DOCK7: variants seen among roughly 807,000 people sequenced by gnomAD.
DOCK7 encodes dedicator of cytokinesis 7, also known as dedicator of cytokinesis protein 7.
In DOCK7, 138 loss-of-function variants were observed where a neutral mutation model predicts 271.0. That is an observed-to-expected ratio of 0.51 (90% confidence interval 0.44 to 0.59). DOCK7 has a LOEUF of 0.59. Among genes scored for constraint, DOCK7 ranks in the 20% least tolerant of loss-of-function variants. The pLI, the probability that DOCK7 is intolerant of heterozygous loss-of-function variation, is 0.00. For synonymous variants in DOCK7, 823 were observed against 876.1 expected (o/e 0.94, Z 1.07); for missense variants, 2,066 against 2,592.4 (o/e 0.80, Z 4.41).
intron 1 of DOCK7, among the ~76,000 whole-genome samples, chr1:62,675,232 T>C (rs562204909): frequency 2.0e-5 from 3 of 151,820 alleles, no homozygotes; most frequent in East Asian, 1.9e-4. Flanking sequence ...CTGGGCAACA[T>C]AGAGTCTGTC....
chr1:62,525,257 C>A (rs1327104990), intron 31 of DOCK7, among the ~76,000 whole-genome samples: 1 of 151,860 alleles, frequency 6.6e-6, no homozygotes, highest in Non-Finnish European at 1.5e-5. Context: ...GATCTGCCCA[C>A]CTTGGCCTCC....
intron 42 of DOCK7, chr1:62,488,444 AT>A (rs2149284845): frequency 6.4e-6 from 1 of 156,088 alleles, no homozygotes; most frequent in South Asian, 1.9e-4. Flanking sequence ...ACAAAATAAT[AT>A]TTTTGTATTA....
intron 48 of DOCK7, among the ~76,000 whole-genome samples, chr1:62,473,528 T>C (rs1008699224): frequency 2.0e-5 from 3 of 151,936 alleles, no homozygotes; most frequent in African/African-American, 7.3e-5. Flanking sequence ...TATTAAAGAG[T>C]AGTAAATTCT....
intron 49 of DOCK7, among the ~76,000 whole-genome samples, chr1:62,457,140 G>A (rs993782740): frequency 1.3e-5 from 2 of 152,252 alleles, no homozygotes; most frequent in Non-Finnish European, 2.9e-5. Flanking sequence ...CTAGGATTTC[G>A]TTGTAGAAAA....
chr1:62,475,872 G>C lies in DOCK7; in HGVS notation c.5796C>G (p.Phe1932Leu). 2 of 1,614,004 alleles carry C rather than the reference G, an allele frequency of 1.2e-6. No homozygotes were observed. The highest frequency in any genetic ancestry group is 1.7e-6 in the Non-Finnish European group (2 of 1,179,932). ...ATCGACGAAGATTGTAATTTTTGTC[G>C]AAATAGGTGATTCTGTCCTTCATCT... ...TYEMKDRITYFDKNYNLRRFM... is the reference protein window; with the variant it reads ...TYEMKDRITYLDKNYNLRRFM... The change falls in exon 46 of 50, where the codon TTC becomes TTG. Residue 1932 changes from phenylalanine to leucine, a missense_variant. Physicochemically the swap from Phe to Leu is conservative, Grantham distance 22 (BLOSUM62 0). Coordinates refer to ENST00000635253, the MANE Select transcript of DOCK7 (RefSeq NM_001367561.1).
chr1:62,476,334 G>C (rs369431302), intron 44 of DOCK7, 178 bp from the exon 45 acceptor site: 45 of 507,794 alleles, frequency 8.9e-5, no homozygotes, highest in East Asian at 8.4e-4. Context: ...AATTAGCATG[G>C]TCTCGGTCCA....
intron 14 of DOCK7, among the ~76,000 whole-genome samples, chr1:62,588,327 C>T (rs567154787): frequency 1.6e-4 from 25 of 152,328 alleles, no homozygotes; most frequent in African/African-American, 5.5e-4. Flanking sequence ...AATGCCTATA[C>T]ACAGACCACT....
In DOCK7 at chr1:62,455,267, T is replaced by C. The variant is rs1206048167; in HGVS notation, c.*147A>G. 8.4e-6 allele frequency: 7 copies of C among 831,516 alleles called. No individual in the cohort carries two copies. Among genetic ancestry groups the C allele is most frequent in the Non-Finnish European group, 1.4e-5 (7 of 499,836 alleles). 51.5% of individuals were successfully genotyped at this position (831,516 alleles called of 1,614,324 possible). The stretch of plus-strand genomic sequence containing the variant: ...AGCCATGATTCTCAAGCGTTAACAA[T>C]CTACATTTGATATTTTCTTGGCCAC... On this transcript the variant is annotated 3_prime_UTR_variant, in exon 50 of 50. Transcript: ENST00000635253.
At position 62,529,303 on chromosome 1, in the gene DOCK7, G is replaced by C. The variant is rs756803159; in HGVS notation, c.3755C>G (p.Thr1252Ser). Reference sequence around the variant, plus strand: ...TGTAAAATCATACAGCTGAGGTACAGTTTCCATGATAATACCAATCAGAGG... The same window carrying C: ...TGTAAAATCATACAGCTGAGGTACACTTTCCATGATAATACCAATCAGAGG... ...YLPLIGIIME[T>S]VPQLYDFTET... Residue 1252 changes from threonine (T) to serine (S), a missense_variant, in exon 30 of 50, where the codon ACT becomes AGT. By Grantham distance (58) the Thr-to-Ser change is moderately conservative (BLOSUM62 1). Coordinates refer to ENST00000635253, the MANE Select transcript of DOCK7 (RefSeq NM_001367561.1). 8 of 1,610,936 alleles carry C rather than the reference G, an allele frequency of 5.0e-6. No homozygotes were observed. In the South Asian group the frequency reaches 7.7e-5, roughly 16 times the overall value.
intron 10 of DOCK7, among the ~76,000 whole-genome samples, chr1:62,633,155 G>A (rs1041545886): frequency 1.3e-5 from 2 of 151,994 alleles, no homozygotes; most frequent in African/African-American, 4.8e-5. Flanking sequence ...TATAAATAAA[G>A]AAAACCTTTA....
chr1:62,649,851 T>C (rs1279465383), intron 4 of DOCK7, among the ~76,000 whole-genome samples: 1 of 152,210 alleles, frequency 6.6e-6, no homozygotes, highest in African/African-American at 2.4e-5. Flanking sequence ...TGTATTGCTC[T>C]TCCCTCTGCC....
At chr1:62,598,627 A>C (rs1271466451) in intron 14 of DOCK7, 2 of 820,514 alleles carry the variant, frequency 2.4e-6, no homozygotes, top group Non-Finnish European at 2.1e-6. Flanking sequence ...AGATTATGAT[A>C]GTGTTACAGG....
At chr1:62,552,263 G>C (rs1241674047) in intron 22 of DOCK7, among the ~76,000 whole-genome samples, 4 of 152,080 alleles carry the variant, frequency 2.6e-5, no homozygotes, top group African/African-American at 9.7e-5. Flanking sequence ...TAGTACTCAG[G>C]TTACTCTGCA....
chr1:62,676,399 C>T (rs1036047667), intron 1 of DOCK7, among the ~76,000 whole-genome samples: 2 of 152,140 alleles, frequency 1.3e-5, no homozygotes, highest in Non-Finnish European at 2.9e-5. Context: ...TGCAAACTGG[C>T]ACAAGGAATT....
chr1:62,510,680 A>C lies in DOCK7; in HGVS notation c.4283-7T>G. On this transcript the variant is annotated splice_polypyrimidine_tract_variant and splice_region_variant and intron_variant, in intron 33 of 49. Coordinates refer to ENST00000635253, the MANE Select transcript of DOCK7 (RefSeq NM_001367561.1). ...CTTCCAGATGGGCTTCTCTCTGTCA[A>C]ATAAATTTCAAAACCAATTTTCAAA... The C allele has an allele frequency of 1.2e-6, 2 of 1,609,488 alleles. No homozygotes were observed. The highest frequency in any genetic ancestry group is 1.7e-6 in the Non-Finnish European group (2 of 1,177,132).
intron 2 of DOCK7, 62 bp downstream of exon 2, chr1:62,662,963 T>G: frequency 7.4e-7 from 1 of 1,351,534 alleles, no homozygotes; most frequent in Non-Finnish European, 1.0e-6. Context: ...CTTTCCACTA[T>G]TTTTTCATGG....
chr1:62,552,876 C>A lies in DOCK7; in HGVS notation c.2622G>T (p.Val874=). 6.2e-7 allele frequency: 1 copy of A among 1,612,128 alleles called. No homozygotes were observed. The highest frequency in any genetic ancestry group is 8.5e-7 in the Non-Finnish European group (1 of 1,179,056). The change falls in exon 22 of 50, where the codon GTG becomes GTT. Residue 874 remains valine, a synonymous_variant. Coordinates refer to ENST00000635253, the MANE Select transcript of DOCK7 (RefSeq NM_001367561.1). ...CAGATCTAGCCATTGTGGCATAATG[C>A]ACTGATCCTCCCAAACCCCCAGGAC... ...SPGPGGLGGS[V]HYATMARSAV...
intron 2 of DOCK7, among the ~76,000 whole-genome samples, chr1:62,656,142 T>C (rs1657989750): frequency 6.6e-6 from 1 of 152,152 alleles, no homozygotes; most frequent in Non-Finnish European, 1.5e-5. Context: ...TATCCACATA[T>C]AAAAAATGAA....
chr1:62,498,225 T>G (rs1646679344), intron 37 of DOCK7, among the ~76,000 whole-genome samples: 1 of 152,056 alleles, frequency 6.6e-6, no homozygotes, highest in South Asian at 2.1e-4. Flanking sequence ...AGACCTCATC[T>G]CCCAAAATTT....
Sources: gnomAD v4.1 joint callset for allele counts (sites outside exome capture counted in the v4.1 genomes callset) on GRCh38, gnomAD v4.1.1 for gene constraint, MANE v1.5 for transcripts, NCBI Gene and HGNC (gene_info 2026-07-23, HGNC 2026-07-21) for gene names.